KLC4: variants seen among roughly 807,000 people sequenced by gnomAD.
KLC4 encodes kinesin-like protein 8.
KLC4 carries 49 observed loss-of-function variants against 77.2 expected under a neutral mutation model. The ratio of observed to expected loss-of-function variants is 0.63; its 90% confidence interval spans 0.50 to 0.80. The LOEUF (loss-of-function observed/expected upper bound fraction) is 0.80, where lower values mean the gene tolerates loss of function less well. Among genes scored for constraint, KLC4 ranks in the 30% least tolerant of loss-of-function variants. KLC4 has a pLI of 0.00. For synonymous variants in KLC4, 274 were observed against 314.5 expected (o/e 0.87, Z 1.36); for missense variants, 669 against 793.5 (o/e 0.84, Z 1.89).
intron 3 of KLC4, among the ~76,000 whole-genome samples, chr6:43,064,996 C>T (rs1765341673): frequency 2.0e-5 from 3 of 152,136 alleles, no homozygotes; most frequent in Admixed American, 2.0e-4. Context: ...TCAACGTAAA[C>T]ACACAGAGAT....
At chr6:43,066,580 C>T in intron 5 of KLC4, 55 bp downstream of exon 5, 5 of 1,490,744 alleles carry the variant, frequency 3.4e-6, no homozygotes, top group Non-Finnish European at 4.6e-6. Context: ...CCACCTTGGT[C>T]CTCCTTTGGC....
rs777980547 is a variant in KLC4 at position 43,062,977 on chromosome 6, G to C, written c.319G>C (p.Ala107Pro). ...TVESEKQKLR[A>P]QVRRLCQENQ... ...GGAGTCGGAGAAACAGAAGCTGCGG[G>C]CTCAGGTGCGGCGGCTATGCCAGGA... Residue 107 changes from alanine (A) to proline (P), a missense_variant, in exon 3 of 16, where the codon GCT becomes CCT. By Grantham distance (27) the Ala-to-Pro change is conservative (BLOSUM62 -1). Coordinates refer to ENST00000347162, the MANE Select transcript of KLC4 (RefSeq NM_201521.3). 2 of 1,614,224 alleles carry C rather than the reference G, an allele frequency of 1.2e-6. No homozygotes were observed. Among genetic ancestry groups the C allele is most frequent in the Non-Finnish European group, 1.7e-6 (2 of 1,180,040 alleles).
chr6:43,070,450 G>C lies in KLC4; in HGVS notation c.976G>C (p.Glu326Gln). Residue 326 changes from glutamate to glutamine, a missense_variant, in exon 7 of 16, where the codon GAA (glutamate) becomes CAA (glutamine). Physicochemically the swap from Glu to Gln is conservative, Grantham distance 29. Coordinates refer to ENST00000347162, the MANE Select transcript of KLC4 (RefSeq NM_201521.3). ...PLCQRALEIR[E>Q]KVLGTNHPDV... ...GTGCCAGCGGGCACTGGAGATTCGAGAAAAGGTACCCATGCCCTCTCTCCC... is the reference window on the plus strand; with the variant it reads ...GTGCCAGCGGGCACTGGAGATTCGACAAAAGGTACCCATGCCCTCTCTCCC... 1 of 1,611,268 alleles carries C rather than the reference G, an allele frequency of 6.2e-7. No individual in the cohort carries two copies. Among genetic ancestry groups the C allele is most frequent in the Non-Finnish European group, 8.5e-7 (1 of 1,177,394 alleles).
At chr6:43,063,745 G>A (rs939472542) in intron 3 of KLC4, among the ~76,000 whole-genome samples, 4 of 150,900 alleles carry the variant, frequency 2.7e-5, no homozygotes, top group Middle Eastern at 3.5e-3. Context: ...CTAGAGACGG[G>A]GTTTCACCAT....
At chr6:43,063,249 C>G in intron 3 of KLC4, 102 bp downstream of exon 3, 1 of 814,140 alleles carries the variant, frequency 1.2e-6, no homozygotes, top group East Asian at 2.7e-5. Context: ...TCAGCTCTAC[C>G]CAACCTGCTC....
chr6:43,071,798 ATTC>A, intron 10 of KLC4, 51 bp from the exon 11 acceptor site: 1 of 1,575,448 alleles, frequency 6.3e-7, no homozygotes, highest in Non-Finnish European at 8.7e-7. Flanking sequence ...GCATCTCTGT[ATTC>A]TTATATTTGG....
In KLC4 at chr6:43,073,906, A is replaced by G. The variant is rs1164629902; in HGVS notation, c.1750A>G (p.Asn584Asp). Residue 584 changes from asparagine (N) to aspartate (D), a missense_variant, in exon 15 of 16, where the codon AAC becomes GAC. Asn to Asp is a conservative substitution (Grantham distance 23). Transcript: ENST00000347162. ...TTCTTCCGTTTTCCATTGTAGCAGC[A>G]ACATGAAGCGAGCAGCCTCCTTGAA... ...QGTEPRPSSS[N>D]MKRAASLNYL... 15 of 1,614,018 alleles carry G rather than the reference A, an allele frequency of 9.3e-6. No homozygotes were observed. Among genetic ancestry groups the G allele is most frequent in the Non-Finnish European group, 1.2e-5 (14 of 1,179,978 alleles).
chr6:43,061,087 T>G (rs1316337270), intron 1 of KLC4: 5 of 566,324 alleles, frequency 8.8e-6, no homozygotes, highest in Non-Finnish European at 1.6e-5. Flanking sequence ...ACTATAGTCT[T>G]CCTTTATTTA....
At chr6:43,071,233 C>T in intron 8 of KLC4, 42 bp from the exon 9 acceptor site, 1 of 1,256,398 alleles carries the variant, frequency 8.0e-7, no homozygotes, top group Non-Finnish European at 1.2e-6. Context: ...CCTTGCCTCC[C>T]TCCATGTTTT....
Position 43,063,123 on chromosome 6 carries a change from G to C in KLC4, c.465G>C (p.Gln155His). 1 of 1,613,970 alleles carries C rather than the reference G, an allele frequency of 6.2e-7. No individual in the cohort carries two copies. The highest frequency in any genetic ancestry group is 8.5e-7 in the Non-Finnish European group (1 of 1,179,876). The change falls in exon 3 of 16, where the codon CAG becomes CAC. Residue 155 changes from glutamine to histidine, a missense_variant. Gln to His is a conservative substitution (Grantham distance 24). Transcript: ENST00000347162. The part of the protein sequence containing the change: ...KHLEFLGQLR[Q>H]YDEDGHTSEE... ...TGGAGTTCCTGGGGCAGCTGCGGCA[G>C]TATGATGAGGATGGACATACCTCGG... is the stretch of plus-strand genomic sequence containing the variant.
chr6:43,069,747 C>T (rs1334712325), intron 6 of KLC4, among the ~76,000 whole-genome samples: 1 of 152,090 alleles, frequency 6.6e-6, no homozygotes, highest in East Asian at 1.9e-4. Context: ...GGGGTTTCTC[C>T]ATGTTGGTCA....
intron 8 of KLC4, 37 bp downstream of exon 8, chr6:43,070,902 AGAGGGGGGCACAGAGGTGGGGG>A: frequency 3.9e-6 from 1 of 254,530 alleles, no homozygotes; most frequent in Non-Finnish European, 6.7e-6. Flanking sequence ...GAAGAAACGG[AGAGGGGGGCACAGAGGTGGGGG>A]GAGGGGGGGC....
chr6:43,073,667 A>G (rs369526883), intron 14 of KLC4: 4 of 569,586 alleles, frequency 7.0e-6, no homozygotes, highest in Non-Finnish European at 1.2e-5. Flanking sequence ...AAGAAAAAAA[A>G]AAAAGATATG....
At chr6:43,068,797 C>G (rs545262732) in intron 6 of KLC4, among the ~76,000 whole-genome samples, 1 of 151,926 alleles carries the variant, frequency 6.6e-6, no homozygotes, top group East Asian at 1.9e-4. Flanking sequence ...GGCAACAGAG[C>G]AAGACTCTGT....
At chr6:43,073,099 C>A in intron 13 of KLC4, 124 bp from the exon 14 acceptor site, 1 of 1,343,792 alleles carries the variant, frequency 7.4e-7, no homozygotes, top group African/African-American at 1.4e-5. Context: ...TTTGACAGGA[C>A]TTTTATTTCC....
In KLC4 at chr6:43,072,924, A is replaced by G; in HGVS notation, c.1589A>G (p.Glu530Gly). 6.2e-7 allele frequency: 1 copy of G among 1,609,660 alleles called. No individual in the cohort carries two copies. Residue 530 changes from glutamate (E) to glycine (G), a missense_variant, in exon 13 of 16, where the codon GAG becomes GGG. Physicochemically the swap from Glu to Gly is moderately conservative, Grantham distance 98. Coordinates refer to ENST00000347162, the MANE Select transcript of KLC4 (RefSeq NM_201521.3). ...GGCCCTGGAGACAGTGTGAAATTCGAGGGAGGTGAAGATGCTTCTGTGGCT... is the reference window on the plus strand; with the variant it reads ...GGCCCTGGAGACAGTGTGAAATTCGGGGGAGGTGAAGATGCTTCTGTGGCT... ...QEGPGDSVKF[E>G]GGEDASVAVE...
At chr6:43,072,727 T>C in intron 12 of KLC4, 97 bp from the exon 13 acceptor site, 4 of 1,195,510 alleles carry the variant, frequency 3.3e-6, no homozygotes, top group Non-Finnish European at 4.8e-6. Context: ...CAAGGAAAAA[T>C]GTTTTCCTTC....
chr6:43,060,038 C>T (rs1765060774), intron 1 of KLC4: 2 of 1,495,558 alleles, frequency 1.3e-6, no homozygotes, highest in Non-Finnish European at 1.8e-6. Context: ...CGAGGCACTC[C>T]TCTACTGCGT....
At chr6:43,070,196 C>A in intron 6 of KLC4, 158 bp from the exon 7 acceptor site, 1 of 539,376 alleles carries the variant, frequency 1.9e-6, no homozygotes, top group Non-Finnish European at 3.3e-6. Flanking sequence ...TCCTGTTCAG[C>A]AATTTCCCCT....
Sources: allele counts gnomAD v4.1 joint callset (sites outside exome capture counted in the v4.1 genomes callset), GRCh38; gene constraint gnomAD v4.1.1; transcripts MANE v1.5; gene names NCBI Gene and HGNC (gene_info 2026-07-23, HGNC 2026-07-21).